The following KPNA5 variants were observed in gnomAD, a reference collection of about 807,000 sequenced individuals.
KPNA5 encodes the protein importin subunit alpha-6.
A neutral mutation model predicts 71.3 loss-of-function variants in KPNA5; 46 were observed. The observed-to-expected ratio is 0.65, with a 90% confidence interval of 0.51 to 0.83. KPNA5 has a LOEUF of 0.83. KPNA5 is among the 40% of genes least tolerant of loss of function. The pLI is 0.00. For synonymous variants in KPNA5, 207 were observed against 201.4 expected, an observed-to-expected ratio of 1.03 and a Z score of -0.24; for missense variants, 547 against 628.3, an observed-to-expected ratio of 0.87 and a Z score of 1.38.
At chr6:116,698,882 C>A in intron 5 of KPNA5, 84 bp downstream of exon 5, 1 of 675,754 alleles carries the variant, frequency 1.5e-6, no homozygotes, top group Non-Finnish European at 2.4e-6. Flanking sequence ...GCAGTATTGA[C>A]TATTGTAAGC....
chr6:116,731,398 G>C lies in KPNA5; in HGVS notation c.1433-738G>C, dbSNP rs149656053. 4.5e-4 allele frequency among the ~76,000 whole-genome samples: 68 copies of C among 152,232 alleles called. 1 individual carries two copies. Among genetic ancestry groups the C allele is most frequent in the Middle Eastern group, 3.4e-3 (1 of 294 alleles). On this transcript the variant is annotated intron_variant, in intron 13 of 13. Coordinates refer to ENST00000368564, the MANE Select transcript of KPNA5 (RefSeq NM_001366306.2). ...TTGACCCCGAGTCAGACTAGGGTTTGAGCTATTCTGTGATTGTGTATAGAT... is the reference window on the plus strand; with the variant it reads ...TTGACCCCGAGTCAGACTAGGGTTTCAGCTATTCTGTGATTGTGTATAGAT...
intron 8 of KPNA5, among the ~76,000 whole-genome samples, chr6:116,717,765 T>TA (rs1042311028): frequency 3.6e-4 from 55 of 152,294 alleles, no homozygotes; most frequent in African/African-American, 1.3e-3. Context: ...ATTCTTCCCT[T>TA]AAGGGTGCGC....
intron 4 of KPNA5, among the ~76,000 whole-genome samples, chr6:116,695,033 C>T (rs1034813721): frequency 6.6e-6 from 1 of 152,072 alleles, no homozygotes. Context: ...TCACTATAGC[C>T]TCTGCTTTCC....
intron 12 of KPNA5, among the ~76,000 whole-genome samples, chr6:116,729,278 A>G (rs1411119890): frequency 6.6e-6 from 1 of 151,432 alleles, no homozygotes; most frequent in African/African-American, 2.4e-5. Context: ...GAGCACCATG[A>G]AAAACAGGCC....
chr6:116,704,690 T>C (rs2114421804), intron 6 of KPNA5, among the ~76,000 whole-genome samples: 1 of 152,248 alleles, frequency 6.6e-6, no homozygotes, highest in East Asian at 1.9e-4. Flanking sequence ...TCCTGCCACC[T>C]TAGCCTCCTA....
chr6:116,740,026 A>C lies in KPNA5; in HGVS notation c.*7703A>C, dbSNP rs920420090. ...TGTAATTGAACTAAAGAGCTTCTGCACAGCAAAAGAAACTACCATCAGAGT... is the reference window on the plus strand; with the variant it reads ...TGTAATTGAACTAAAGAGCTTCTGCCCAGCAAAAGAAACTACCATCAGAGT... On this transcript the variant is annotated 3_prime_UTR_variant, in exon 14 of 14. Transcript: ENST00000368564. The C allele has an allele frequency of 2.0e-5, 3 of 152,138 alleles. No homozygotes were observed. The highest frequency in any genetic ancestry group is 7.2e-5 in the African/African-American group (3 of 41,386). 9.4% of individuals were successfully genotyped at this position (152,138 alleles called of 1,614,324 possible). A position where few individuals can be genotyped will look rare whatever the true frequency, so the allele number is the denominator to read the frequency against.
At chr6:116,697,187 T>C (rs1436677980) in intron 4 of KPNA5, among the ~76,000 whole-genome samples, 1 of 152,100 alleles carries the variant, frequency 6.6e-6, no homozygotes, top group Non-Finnish European at 1.5e-5. Context: ...ATTGCAACCC[T>C]ATAATTTTGT....
At position 116,738,880 on chromosome 6, in the gene KPNA5, C is replaced by A. The variant is rs530423373; in HGVS notation, c.*6557C>A. On this transcript the variant is annotated 3_prime_UTR_variant, in exon 14 of 14. Transcript: ENST00000368564. ...AATAATAAGAGCTATCTATGACAAA[C>A]CCACAGCCAATATCATACTGAATGG... 3 of 152,022 alleles carry A rather than the reference C, an allele frequency of 2.0e-5. No homozygotes were observed. Among genetic ancestry groups the A allele is most frequent in the East Asian group, 3.9e-4 (2 of 5,170 alleles). The allele number at this position is 152,022 out of a possible 1,614,324, so 9.4% of individuals were successfully genotyped here. A position where few individuals can be genotyped will look rare whatever the true frequency, so the allele number is the denominator to read the frequency against.
Position 116,722,259 on chromosome 6 carries a change from G to A in KPNA5, c.890G>A (p.Gly297Glu), listed in dbSNP as rs747601336. ...AAAATTCAAGCAGTCATTGATTCTGGAGTCTGTCGAAGATTGGTGGAACTT... is the reference window on the plus strand; with the variant it reads ...AAAATTCAAGCAGTCATTGATTCTGAAGTCTGTCGAAGATTGGTGGAACTT... ...NDKIQAVIDS[G>E]VCRRLVELLM... The change falls in exon 9 of 14, where the codon GGA becomes GAA. Residue 297 changes from glycine to glutamate, a missense_variant. Gly to Glu is a moderately conservative substitution (Grantham distance 98). Coordinates refer to ENST00000368564, the MANE Select transcript of KPNA5 (RefSeq NM_001366306.2). 61 of 1,610,682 alleles carry A rather than the reference G, an allele frequency of 3.8e-5. No homozygotes were observed. Among genetic ancestry groups the A allele is most frequent in the Non-Finnish European group, 4.9e-5 (58 of 1,178,618 alleles).
chr6:116,681,233 G>C lies in KPNA5; in HGVS notation c.-102G>C. The C allele has an allele frequency of 6.6e-7, 1 of 1,521,894 alleles. No homozygotes were observed. The highest frequency in any genetic ancestry group is 1.1e-5 in the South Asian group (1 of 87,614). The allele number at this position is 1,521,894 out of a possible 1,614,324, so 94.3% of individuals were successfully genotyped here. A position where few individuals can be genotyped will look rare whatever the true frequency, so the allele number is the denominator to read the frequency against. ...GCCATCTTGGATTGCGAACTGGGTCGCTACGCTTCACGCCAGGGGCGGAGT... is the reference window on the plus strand; with the variant it reads ...GCCATCTTGGATTGCGAACTGGGTCCCTACGCTTCACGCCAGGGGCGGAGT... On this transcript the variant is annotated 5_prime_UTR_variant, in exon 1 of 14. Coordinates refer to ENST00000368564, the MANE Select transcript of KPNA5 (RefSeq NM_001366306.2).
intron 8 of KPNA5, 37 bp downstream of exon 8, chr6:116,716,355 C>T (rs1452595004): frequency 7.2e-7 from 1 of 1,391,278 alleles, no homozygotes; most frequent in African/African-American, 1.4e-5. Context: ...TATTTGTTTC[C>T]ATAAACCTAA....
chr6:116,709,743 T>C (rs1451347552), intron 7 of KPNA5, among the ~76,000 whole-genome samples: 1 of 152,030 alleles, frequency 6.6e-6, no homozygotes, highest in African/African-American at 2.4e-5. Flanking sequence ...ATGCCCTTTA[T>C]CCTGTTGAGG....
rs73555492 is a variant in KPNA5, at chr6:116,687,599, T to G, written c.5-1721T>G. ...TTCTTGTCTCAGAAACAAGCCGATA[T>G]GTAAACACAACAACCACTACTCTGA... On this transcript the variant is annotated intron_variant, in intron 1 of 13. Transcript: ENST00000368564. 2.7e-3 allele frequency among the ~76,000 whole-genome samples: 407 copies of G among 152,316 alleles called. 4 individuals carry two copies. Among genetic ancestry groups the G allele is most frequent in the African/African-American group, 9.4e-3 (390 of 41,582 alleles).
intron 7 of KPNA5, among the ~76,000 whole-genome samples, chr6:116,705,548 GAT>G (rs1778408111): frequency 6.6e-6 from 1 of 152,082 alleles, no homozygotes; most frequent in Non-Finnish European, 1.5e-5. Context: ...AAGATTTTAA[GAT>G]AGAGATTTTT....
At position 116,705,087 on chromosome 6, in the gene KPNA5, G is replaced by T; in HGVS notation, c.583G>T (p.Gly195Cys). 2 of 1,610,642 alleles carry T rather than the reference G, an allele frequency of 1.2e-6. No homozygotes were observed. Among genetic ancestry groups the T allele is most frequent in the Non-Finnish European group, 1.7e-6 (2 of 1,178,846 alleles). Residue 195 changes from glycine (G) to cysteine (C), a missense_variant, in exon 7 of 14, where the codon GGT becomes TGT. Coordinates refer to ENST00000368564, the MANE Select transcript of KPNA5 (RefSeq NM_001366306.2). ...DVQEQAVWAL[G>C]NIAGDNAECR... ...TTTTCCTAAGGCTGTTTGGGCACTT[G>T]GTAATATTGCTGGTGACAATGCAGA...
intron 10 of KPNA5, among the ~76,000 whole-genome samples, chr6:116,725,445 A>T (rs186076964): frequency 6.6e-6 from 1 of 152,116 alleles, no homozygotes; most frequent in Non-Finnish European, 1.5e-5. Flanking sequence ...TTGGATCCTG[A>T]CCTCGGTCAC....
intron 8 of KPNA5, among the ~76,000 whole-genome samples, chr6:116,721,779 T>C (rs1378596604): frequency 1.3e-5 from 2 of 152,226 alleles, no homozygotes; most frequent in African/African-American, 4.8e-5. Context: ...TAAAGTTAGA[T>C]TATATTCTGT....
intron 4 of KPNA5, 76 bp from the exon 5 acceptor site, chr6:116,698,628 C>T (rs1177310404): frequency 3.9e-6 from 3 of 765,774 alleles, no homozygotes; most frequent in Non-Finnish European, 6.4e-6. Flanking sequence ...TTTTATGTGC[C>T]CTGTTAATGG....
At position 116,699,112 on chromosome 6, in the gene KPNA5, A is replaced by G. The variant is rs1034485618; in HGVS notation, c.435+314A>G. On this transcript the variant is annotated intron_variant, in intron 5 of 13. Transcript: ENST00000368564. ...TTCAGACTAAAATATTGTTAAATTT[A>G]TTTTGATTCTTAGCTAGCCAGGGTT... Among the ~76,000 whole-genome samples, 6 of 152,016 alleles carry G rather than the reference A, an allele frequency of 3.9e-5. No individual in the cohort carries two copies. In the South Asian group the frequency reaches 1.2e-3, roughly 31 times the overall value.
Sources: allele counts gnomAD v4.1 joint callset (sites outside exome capture counted in the v4.1 genomes callset), GRCh38; gene constraint gnomAD v4.1.1; transcripts MANE v1.5; gene names NCBI Gene and HGNC (gene_info 2026-07-23, HGNC 2026-07-21).